PSMA1: variants seen among roughly 807,000 people sequenced by gnomAD.
PSMA1 encodes the protein proteasome 20S subunit alpha 1, also known as proteasome subunit alpha type-1.
PSMA1 carries 3 observed loss-of-function variants against 38.4 expected under a neutral mutation model. The observed-to-expected ratio is 0.08, with a 90% CI of 0.04 to 0.20. The LOEUF (loss-of-function observed/expected upper bound fraction) is 0.20, where lower values mean the gene tolerates loss of function less well. PSMA1 is among the 10% of genes least tolerant of loss of function. The probability of loss-of-function intolerance (pLI) is 1.00; values close to 1 mark genes in which losing one functional copy is unlikely to be tolerated. For missense variants in PSMA1, 227 were observed against 325.3 expected, an observed-to-expected ratio of 0.70 and a Z score of 2.32; for synonymous variants, 101 against 107.1, an observed-to-expected ratio of 0.94 and a Z score of 0.35.
At chr11:14,641,516 T>G (rs1299877058) in intron 1 of PSMA1, among the ~76,000 whole-genome samples, 1 of 152,210 alleles carries the variant, frequency 6.6e-6, no homozygotes, top group East Asian at 1.9e-4. Flanking sequence ...GGTCACGTCC[T>G]TACACTTTAT....
intron 2 of PSMA1, among the ~76,000 whole-genome samples, chr11:14,561,113 G>C (rs1037154663): frequency 1.3e-5 from 2 of 151,972 alleles, no homozygotes; most frequent in Non-Finnish European, 2.9e-5. Context: ...TAAATAAAAT[G>C]AACATAAAAA....
At chr11:14,642,104 C>T (rs1021216576) in intron 1 of PSMA1, among the ~76,000 whole-genome samples, 3 of 151,212 alleles carry the variant, frequency 2.0e-5, no homozygotes, top group Admixed American at 6.6e-5. Context: ...CACACATACA[C>T]GCACATGCAC....
chr11:14,576,434 T>C (rs1395596760), intron 2 of PSMA1, among the ~76,000 whole-genome samples: 1 of 152,248 alleles, frequency 6.6e-6, no homozygotes, highest in Non-Finnish European at 1.5e-5. Context: ...AAGTCTTTAA[T>C]CCATCTTGAA....
At chr11:14,566,041 T>C (rs560528613) in intron 2 of PSMA1, among the ~76,000 whole-genome samples, 9 of 152,154 alleles carry the variant, frequency 5.9e-5, no homozygotes, top group Non-Finnish European at 1.0e-4. Context: ...GGAGCATACC[T>C]GGATATCTGA....
chr11:14,561,282 G>A (rs542134426), intron 2 of PSMA1, among the ~76,000 whole-genome samples: 11 of 152,122 alleles, frequency 7.2e-5, no homozygotes, highest in East Asian at 3.8e-4. Flanking sequence ...TTCAATATCC[G>A]TTGAACTGAG....
intron 2 of PSMA1, among the ~76,000 whole-genome samples, chr11:14,587,000 T>C (rs146225252): frequency 3.3e-3 from 497 of 152,292 alleles, no homozygotes; most frequent in Admixed American, 5.0e-3. Context: ...GACCTCGTGA[T>C]CCGCCTGCCT....
At chr11:14,643,194 A>G (rs773446162) in intron 1 of PSMA1, among the ~76,000 whole-genome samples, 32 of 151,794 alleles carry the variant, frequency 2.1e-4, no homozygotes, top group Non-Finnish European at 4.1e-4. Context: ...GCGTGGCCCA[A>G]GAATCCACGT....
At chr11:14,583,732 G>A (rs143255112) in intron 2 of PSMA1, among the ~76,000 whole-genome samples, 3 of 152,264 alleles carry the variant, frequency 2.0e-5, no homozygotes, top group South Asian at 2.1e-4. Context: ...CCCAGCAAAG[G>A]AGACACAACA....
chr11:14,594,415 G>C (rs1852461178), intron 2 of PSMA1, among the ~76,000 whole-genome samples: 1 of 152,146 alleles, frequency 6.6e-6, no homozygotes, highest in Non-Finnish European at 1.5e-5. Context: ...TGTTGGCACA[G>C]GGAAGGGGGG....
intron 2 of PSMA1, among the ~76,000 whole-genome samples, chr11:14,527,518 A>G (rs1053432067): frequency 6.6e-6 from 1 of 152,124 alleles, no homozygotes; most frequent in Non-Finnish European, 1.5e-5. Context: ...TCAGTGTTCC[A>G]TCTGCTATTC....
At chr11:14,606,148 T>C (rs1431679836) in intron 2 of PSMA1, among the ~76,000 whole-genome samples, 1 of 152,250 alleles carries the variant, frequency 6.6e-6, no homozygotes, top group African/African-American at 2.4e-5. Context: ...CTTTCCTCAT[T>C]GCTTATTTTT....
At chr11:14,535,159 G>GTTT (rs57779498) in intron 2 of PSMA1, among the ~76,000 whole-genome samples, 78 of 148,368 alleles carry the variant, frequency 5.3e-4, no homozygotes, top group African/African-American at 1.1e-3. Context: ...AGAAGCTAAG[G>GTTT]TTTTTTTTTT....
chr11:14,603,610 C>T (rs1444696335), intron 2 of PSMA1, among the ~76,000 whole-genome samples: 2 of 152,182 alleles, frequency 1.3e-5, no homozygotes, highest in African/African-American at 4.8e-5. Context: ...ATATTCCATG[C>T]ACAGACTAAA....
At chr11:14,582,141 A>G (rs919462206) in intron 2 of PSMA1, among the ~76,000 whole-genome samples, 3 of 152,182 alleles carry the variant, frequency 2.0e-5, no homozygotes, top group Non-Finnish European at 2.9e-5. Context: ...AAAGCCTTAT[A>G]ATTTTGGGGT....
intron 4 of PSMA1, among the ~76,000 whole-genome samples, chr11:14,516,351 T>C (rs1851429301): frequency 6.6e-6 from 1 of 152,144 alleles, no homozygotes; most frequent in Non-Finnish European, 1.5e-5. Context: ...ACAACAGGTG[T>C]GTGCCACCAC....
At chr11:14,584,205 C>T (rs1235614355) in intron 2 of PSMA1, among the ~76,000 whole-genome samples, 11 of 152,126 alleles carry the variant, frequency 7.2e-5, no homozygotes, top group African/African-American at 2.4e-4. Flanking sequence ...AGTCAAAAAG[C>T]GATGCCTTCA....
At chr11:14,585,061 A>C (rs1852329722) in intron 2 of PSMA1, among the ~76,000 whole-genome samples, 1 of 152,238 alleles carries the variant, frequency 6.6e-6, no homozygotes, top group Non-Finnish European at 1.5e-5. Context: ...GCAGTATAGA[A>C]ATCCATTTTC....
In PSMA1 at chr11:14,520,304, G is replaced by A; in HGVS notation, c.-5C>T. Reference sequence around the variant, plus strand: ...GATCGGGATTCAACGTACCATGGTGGCGGCGCGGGCCTGGTTGCGGCCTCC... The same window carrying A: ...GATCGGGATTCAACGTACCATGGTGACGGCGCGGGCCTGGTTGCGGCCTCC... On this transcript the variant is annotated 5_prime_UTR_variant, in exon 1 of 10. Coordinates refer to ENST00000396394, the MANE Select transcript of PSMA1 (RefSeq NM_002786.4). 2 of 1,614,182 alleles carry A rather than the reference G, an allele frequency of 1.2e-6. No homozygotes were observed. The highest frequency in any genetic ancestry group is 1.7e-6 in the Non-Finnish European group (2 of 1,179,994).
chr11:14,527,076 G>A (rs920157304), intron 2 of PSMA1, among the ~76,000 whole-genome samples: 1 of 152,142 alleles, frequency 6.6e-6, no homozygotes, highest in East Asian at 1.9e-4. Flanking sequence ...ACTACACAAG[G>A]TCCTCCATCA....
Sources: allele counts gnomAD v4.1 joint callset (sites outside exome capture counted in the v4.1 genomes callset), GRCh38; gene constraint gnomAD v4.1.1; transcripts MANE v1.5; gene names NCBI Gene and HGNC (gene_info 2026-07-23, HGNC 2026-07-21).